HFM1: variants seen among roughly 807,000 people sequenced by gnomAD.
HFM1 encodes helicase for meiosis 1.
A neutral mutation model predicts 192.1 loss-of-function variants in HFM1; 169 were observed. The ratio of observed to expected loss-of-function variants is 0.88; its 90% confidence interval spans 0.78 to 1.00. The LOEUF (loss-of-function observed/expected upper bound fraction) is 1.00. HFM1 is among the 50% of genes least tolerant of loss of function. The pLI is 0.00. For missense variants in HFM1, 1,661 were observed against 1,668.0 expected (o/e 1.00, Z 0.07); for synonymous variants, 525 against 537.8 (o/e 0.98, Z 0.33).
intron 30 of HFM1, among the ~76,000 whole-genome samples, chr1:91,311,295 A>G (rs1358106154): frequency 2.6e-5 from 4 of 152,188 alleles, no homozygotes; most frequent in Non-Finnish European, 5.9e-5. Flanking sequence ...GCAGCAAAGC[A>G]TTCAAGAGGT....
Position 91,385,570 on chromosome 1 carries a change from A to G in HFM1, c.754+5T>C, listed in dbSNP as rs1662094613. The G allele has an allele frequency of 6.2e-7, 1 of 1,606,542 alleles. No homozygotes were observed. Among genetic ancestry groups the G allele is most frequent in the African/African-American group, 1.3e-5 (1 of 74,558 alleles). On this transcript the variant is annotated splice_donor_5th_base_variant and intron_variant, in intron 5 of 38. Coordinates refer to ENST00000370425, the MANE Select transcript of HFM1 (RefSeq NM_001017975.6). ...ATAAAATGAACTGAAAAAGCAAGAAATTACCTTGAATATCATGAGGTTGGA... is the reference window on the plus strand; with the variant it reads ...ATAAAATGAACTGAAAAAGCAAGAAGTTACCTTGAATATCATGAGGTTGGA...
At chr1:91,376,516 G>C (rs996661615) in intron 11 of HFM1, among the ~76,000 whole-genome samples, 1 of 151,812 alleles carries the variant, frequency 6.6e-6, no homozygotes, top group African/African-American at 2.4e-5. Context: ...TTATCACAAA[G>C]GGGAAAAGTT....
rs7416494 is a variant in HFM1 at position 91,274,708 on chromosome 1, G to T, written c.3668+22C>A. 1,104 of 1,176,726 alleles carry T rather than the reference G, an allele frequency of 9.4e-4. 18 individuals are homozygous for T. The South Asian group carries it at 0.014, about 15-fold the overall frequency. 72.9% of individuals were successfully genotyped at this position (1,176,726 alleles called of 1,614,324 possible). A position where few individuals can be genotyped will look rare whatever the true frequency, so the allele number is the denominator to read the frequency against. ...AGTTTACGATAAATATTTTACCTTA[G>T]ATATTAACATTATATTTGTACCTTG... On this transcript the variant is annotated intron_variant, in intron 33 of 38. Transcript: ENST00000370425.
At chr1:91,305,805 T>C (rs182955057) in intron 30 of HFM1, among the ~76,000 whole-genome samples, 2 of 152,234 alleles carry the variant, frequency 1.3e-5, no homozygotes, top group Admixed American at 1.3e-4. Flanking sequence ...TGGACTCAAG[T>C]GATCCTCCTA....
chr1:91,381,378 A>C (rs566861740), intron 6 of HFM1, among the ~76,000 whole-genome samples: 1 of 152,260 alleles, frequency 6.6e-6, no homozygotes, highest in African/African-American at 2.4e-5. Context: ...ACAGAATTTC[A>C]CTCAACTATT....
At chr1:91,288,315 C>T (rs1163454588) in intron 30 of HFM1, among the ~76,000 whole-genome samples, 3 of 151,780 alleles carry the variant, frequency 2.0e-5, no homozygotes, top group African/African-American at 4.8e-5. Flanking sequence ...AGCAGATCTC[C>T]CGGCAGAAAC....
At chr1:91,372,610 T>C (rs1287199275) in intron 13 of HFM1, among the ~76,000 whole-genome samples, 1 of 152,040 alleles carries the variant, frequency 6.6e-6, no homozygotes, top group Non-Finnish European at 1.5e-5. Context: ...TGGGGAGGGA[T>C]AGCATTAGGA....
At chr1:91,389,503 T>C (rs1417436335) in intron 4 of HFM1, among the ~76,000 whole-genome samples, 1 of 152,040 alleles carries the variant, frequency 6.6e-6, no homozygotes, top group Non-Finnish European at 1.5e-5. Flanking sequence ...ATGATGGAAT[T>C]AATGCCCTTA....
chr1:91,394,345 GT>G lies in HFM1; in HGVS notation c.241del (p.Thr81GlnfsTer6). 1 of 1,576,012 alleles carries G rather than the reference GT, an allele frequency of 6.3e-7. No homozygotes were observed. Among genetic ancestry groups the G allele is most frequent in the South Asian group, 1.1e-5 (1 of 89,460 alleles). On this transcript the variant is annotated frameshift_variant, in exon 4 of 39. Coordinates refer to ENST00000370425, the MANE Select transcript of HFM1 (RefSeq NM_001017975.6). LOFTEE classifies it high-confidence loss of function. ...TTTTTGTGTTAGTGAAATATAATTT[GT>G]ATCTTCATTAGTTATCTTTAAATTT... ...TSNLKITNED[T>X]NYISLTQKFQ...
intron 4 of HFM1, among the ~76,000 whole-genome samples, chr1:91,386,512 T>A (rs1366769781): frequency 6.6e-6 from 1 of 152,230 alleles, no homozygotes; most frequent in Non-Finnish European, 1.5e-5. Context: ...AGCTAAGTTG[T>A]TCCTAAATTC....
At chr1:91,325,718 G>C (rs1652800272) in intron 20 of HFM1, among the ~76,000 whole-genome samples, 1 of 151,968 alleles carries the variant, frequency 6.6e-6, no homozygotes, top group East Asian at 1.9e-4. Context: ...AGACACCAAA[G>C]AACACCTCCA....
intron 20 of HFM1, among the ~76,000 whole-genome samples, chr1:91,330,556 G>A (rs1160843577): frequency 1.3e-5 from 2 of 152,142 alleles, no homozygotes; most frequent in African/African-American, 4.8e-5. Context: ...CTTCACTGCT[G>A]AATTCTACCA....
At position 91,400,402 on chromosome 1, in the gene HFM1, T is replaced by C. The variant is rs577083020; in HGVS notation, c.71+610A>G. ...GTCCTGAGCTACTCTTTGAGCATTA[T>C]TTCCCATCTTTAGCTTGGCCAAAAA... On this transcript the variant is annotated intron_variant, in intron 2 of 38. Transcript: ENST00000370425. 6.6e-5 allele frequency among the ~76,000 whole-genome samples: 10 copies of C among 152,346 alleles called. No individual in the cohort carries two copies. The South Asian group carries it at 1.4e-3, about 22-fold the overall frequency.
chr1:91,262,354 T>A lies in HFM1; in HGVS notation c.4125A>T (p.Pro1375=). ...AAGTAAAGCATTGCTTCTCAATCTC[T>A]GGTGACAGATTTTGTGGTTTTCTTT... ...FQERKPQNLS[P]EIEKQCFTFS... The change falls in exon 38 of 39, where the codon CCA becomes CCT. Residue 1375 remains proline, a synonymous_variant. Transcript: ENST00000370425. 1 of 1,578,956 alleles carries A rather than the reference T, an allele frequency of 6.3e-7. No homozygotes were observed. Among genetic ancestry groups the A allele is most frequent in the South Asian group, 1.2e-5 (1 of 84,172 alleles).
intron 4 of HFM1, among the ~76,000 whole-genome samples, chr1:91,388,800 TGG>T (rs61512710): frequency 1 from 152,082 of 152,268 alleles, 75,948 homozygotes; most frequent in Non-Finnish European, 1. Flanking sequence ...TTAGATAAAC[TGG>T]ACTCTATCAA....
At chr1:91,301,271 A>G (rs1388549313) in intron 30 of HFM1, among the ~76,000 whole-genome samples, 5 of 150,204 alleles carry the variant, frequency 3.3e-5, no homozygotes, top group Non-Finnish European at 7.4e-5. Context: ...CCACTGCTCA[A>G]TGAAATAAAA....
chr1:91,356,597 A>C (rs906044166), intron 13 of HFM1, among the ~76,000 whole-genome samples: 1 of 152,176 alleles, frequency 6.6e-6, no homozygotes, highest in South Asian at 2.1e-4. Flanking sequence ...GAAAGGAAAT[A>C]ATAAAGATCA....
intron 2 of HFM1, among the ~76,000 whole-genome samples, chr1:91,397,695 C>T (rs1285823827): frequency 6.6e-6 from 1 of 152,136 alleles, no homozygotes; most frequent in African/African-American, 2.4e-5. Context: ...CCAAGATCAC[C>T]CCCAGTTCAA....
intron 33 of HFM1, 138 bp downstream of exon 33, chr1:91,274,592 T>C (rs1666625516): frequency 4.2e-6 from 2 of 473,666 alleles, no homozygotes; most frequent in South Asian, 8.4e-5. Context: ...ATTATGATGT[T>C]ATTGCTTCAC....
Sources: gnomAD v4.1 joint callset for allele counts (sites outside exome capture counted in the v4.1 genomes callset) on GRCh38, gnomAD v4.1.1 for gene constraint, MANE v1.5 for transcripts, NCBI Gene and HGNC (gene_info 2026-07-23, HGNC 2026-07-21) for gene names.